Variants in EML6 observed in about 807,000 individuals in gnomAD.
EML6 encodes the protein echinoderm microtubule-associated protein-like 6.
In EML6, 154 loss-of-function variants were observed where a neutral mutation model predicts 240.1. The observed-to-expected ratio is 0.64, with a 90% CI of 0.56 to 0.73. The LOEUF (loss-of-function observed/expected upper bound fraction) is 0.73. EML6 is among the 30% of genes least tolerant of loss of function. The probability of loss-of-function intolerance (pLI) is 0.00; values close to 1 mark genes in which losing one functional copy is unlikely to be tolerated. For missense variants in EML6, 2,964 were observed against 2,474.6 expected (o/e 1.20, Z -4.20); for synonymous variants, 1,148 against 899.0 (o/e 1.28, Z -4.95).
chr2:54,792,613 G>T (rs1558552363), intron 2 of EML6, among the ~76,000 whole-genome samples: 1 of 152,312 alleles, frequency 6.6e-6, no homozygotes, highest in East Asian at 1.9e-4. Context: ...CATGATCACA[G>T]ATGTTTCAAA....
chr2:54,764,048 C>T (rs1052130203), intron 2 of EML6, among the ~76,000 whole-genome samples: 1 of 152,208 alleles, frequency 6.6e-6, no homozygotes, highest in African/African-American at 2.4e-5. Flanking sequence ...TCTTAACTTC[C>T]TGCCCTCTAG....
chr2:54,804,745 C>A (rs1454845118), intron 2 of EML6, among the ~76,000 whole-genome samples: 5 of 152,220 alleles, frequency 3.3e-5, no homozygotes, highest in African/African-American at 7.2e-5. Flanking sequence ...TATCTGCAAT[C>A]TACTTTTCAA....
chr2:54,916,096 G>A (rs1441021730), intron 25 of EML6, among the ~76,000 whole-genome samples: 1 of 152,214 alleles, frequency 6.6e-6, no homozygotes, highest in Non-Finnish European at 1.5e-5. Flanking sequence ...TAGCTCTTCA[G>A]ATTTTTAAAG....
At chr2:54,840,557 T>C (rs1046350454) in intron 7 of EML6, among the ~76,000 whole-genome samples, 4 of 152,166 alleles carry the variant, frequency 2.6e-5, no homozygotes, top group Non-Finnish European at 5.9e-5. Flanking sequence ...AGGCACAGAG[T>C]AGTGCTGAAT....
At chr2:54,913,099 A>G (rs1673731272) in intron 25 of EML6, among the ~76,000 whole-genome samples, 3 of 134,322 alleles carry the variant, frequency 2.2e-5, no homozygotes, top group Non-Finnish European at 4.9e-5. Context: ...TTTACTTTTA[A>G]TAATAGCCAT....
At chr2:54,837,303 T>TC (rs950295401) in intron 7 of EML6, among the ~76,000 whole-genome samples, 3 of 152,150 alleles carry the variant, frequency 2.0e-5, no homozygotes, top group Non-Finnish European at 4.4e-5. Context: ...TCATTTTTTT[T>TC]CCCCCTATTG....
chr2:54,754,323 C>A (rs1246366169), intron 2 of EML6, among the ~76,000 whole-genome samples: 1 of 151,962 alleles, frequency 6.6e-6, no homozygotes, highest in Non-Finnish European at 1.5e-5. Flanking sequence ...GATTTTCGTT[C>A]ATTGAGACAC....
intron 14 of EML6, 86 bp from the exon 15 acceptor site, chr2:54,869,095 A>G (rs1671120077): frequency 6.0e-6 from 5 of 836,206 alleles, no homozygotes; most frequent in South Asian, 3.8e-5. Flanking sequence ...GTTCACGTCA[A>G]TATGTTAGCC....
intron 28 of EML6, among the ~76,000 whole-genome samples, chr2:54,938,568 A>T (rs906123678): frequency 6.6e-6 from 1 of 152,208 alleles, no homozygotes; most frequent in African/African-American, 2.4e-5. Flanking sequence ...GCAGAATCTG[A>T]GTACATGCCT....
intron 2 of EML6, among the ~76,000 whole-genome samples, chr2:54,743,113 T>G (rs556271653): frequency 9.4e-4 from 143 of 152,356 alleles, no homozygotes; most frequent in Non-Finnish European, 1.3e-3. Flanking sequence ...ACTTGTTTAT[T>G]CAGTTCAGGG....
intron 17 of EML6, among the ~76,000 whole-genome samples, chr2:54,890,402 T>C (rs1489054213): frequency 6.6e-6 from 1 of 152,210 alleles, no homozygotes; most frequent in Non-Finnish European, 1.5e-5. Context: ...CCTCTCATGC[T>C]GTGAGATGCC....
rs574766477 is a variant in EML6 at position 54,744,307 on chromosome 2, G to A, written c.197+19049G>A. 1.0e-3 allele frequency among the ~76,000 whole-genome samples: 159 copies of A among 152,226 alleles called. 1 individual carries two copies. The highest frequency in any genetic ancestry group is 3.4e-3 in the African/African-American group (143 of 41,528). On this transcript the variant is annotated intron_variant, in intron 2 of 41. Transcript: ENST00000356458. ...ACAAGAGCTGGCTGAGTGCCTAAGG[G>A]GCCAGAGGAAGGGATGTAAACCCAT...
Position 54,903,317 on chromosome 2 carries a change from A to G in EML6, c.3278-54A>G, listed in dbSNP as rs905937034. ...CACTTTTAAAATACTAAGTTCCTGGAAGTAAATTCCTATATAAAATGCTTC... is the reference window on the plus strand; with the variant it reads ...CACTTTTAAAATACTAAGTTCCTGGGAGTAAATTCCTATATAAAATGCTTC... On this transcript the variant is annotated intron_variant, in intron 23 of 41. Transcript: ENST00000356458. 1.0e-5 allele frequency: 16 copies of G among 1,533,624 alleles called. No individual in the cohort carries two copies. In the East Asian group the frequency reaches 3.9e-4, roughly 38 times the overall value.
intron 28 of EML6, among the ~76,000 whole-genome samples, chr2:54,944,488 C>T (rs1218066170): frequency 6.6e-6 from 1 of 152,164 alleles, no homozygotes; most frequent in African/African-American, 2.4e-5. Context: ...CTTCATCATT[C>T]CTCTCTTGGA....
rs147682109 is a variant in EML6, at chr2:54,849,870, C to G, written c.1188-92C>G. The G allele has an allele frequency of 6.3e-4, 647 of 1,032,848 alleles. 3 individuals carry two copies. Among genetic ancestry groups the G allele is most frequent in the Admixed American group, 5.6e-3 (228 of 40,710 alleles). 64.0% of individuals were successfully genotyped at this position (1,032,848 alleles called of 1,614,324 possible). A position where few individuals can be genotyped will look rare whatever the true frequency, so the allele number is the denominator to read the frequency against. On this transcript the variant is annotated intron_variant, in intron 9 of 41. Coordinates refer to ENST00000356458, the MANE Select transcript of EML6 (RefSeq NM_001039753.4). ...AATTCCTGCAGGTTTGGTTCTCTTT[C>G]AACACACTTCTTTTTCTGACACATA...
intron 2 of EML6, among the ~76,000 whole-genome samples, chr2:54,783,630 G>A (rs1018180181): frequency 6.6e-5 from 10 of 152,078 alleles, no homozygotes; most frequent in African/African-American, 1.7e-4. Flanking sequence ...GCTGAATTGC[G>A]GCTAGTTTGA....
chr2:54,928,168 C>T, intron 26 of EML6, 145 bp from the exon 27 acceptor site: 1 of 693,968 alleles, frequency 1.4e-6, no homozygotes, highest in South Asian at 1.7e-5. Context: ...TAGTGCCTGC[C>T]CACATGGAGC....
chr2:54,754,558 T>C (rs1422866658), intron 2 of EML6, among the ~76,000 whole-genome samples: 1 of 152,206 alleles, frequency 6.6e-6, no homozygotes, highest in African/African-American at 2.4e-5. Context: ...TTGATATATA[T>C]GAGTTATTTA....
intron 24 of EML6, among the ~76,000 whole-genome samples, chr2:54,905,479 G>A (rs998410474): frequency 6.6e-6 from 1 of 151,898 alleles, no homozygotes; most frequent in African/African-American, 2.4e-5. Flanking sequence ...AGAGAAAAGA[G>A]GGTATATATA....
Sources: gnomAD v4.1 joint callset for allele counts (sites outside exome capture counted in the v4.1 genomes callset) on GRCh38, gnomAD v4.1.1 for gene constraint, MANE v1.5 for transcripts, NCBI Gene and HGNC (gene_info 2026-07-23, HGNC 2026-07-21) for gene names.